MDM2: variants seen among roughly 807,000 people sequenced by gnomAD.
MDM2 encodes the protein E3 ubiquitin-protein ligase Mdm2.
Under a neutral mutation model 64.3 loss-of-function variants are expected in MDM2, and 11 were observed. That is an observed-to-expected ratio of 0.17 (90% confidence interval 0.11 to 0.28). The LOEUF is 0.28. MDM2 is among the 10% of genes least tolerant of loss of function. The pLI is 1.00. For synonymous variants in MDM2, 194 were observed against 192.9 expected (o/e 1.01, Z -0.05); for missense variants, 388 against 577.1 (o/e 0.67, Z 3.36).
At position 68,824,391 on chromosome 12, in the gene MDM2, T is replaced by C. The variant is rs769750641; in HGVS notation, c.387T>C (p.Ser129=). ...QESSDSGTSV[S]ENRCHLEGGS... is the part of the protein sequence containing the mutation. ...CATCGGACTCAGGTACATCTGTGAG[T>C]GAGAACAGGTGTCACCTTGAAGGTG... is the stretch of plus-strand genomic sequence containing the variant. The change falls in exon 6 of 11, where the codon AGT becomes AGC. Residue 129 remains serine, a synonymous_variant. Coordinates refer to ENST00000258149, the MANE Select transcript of MDM2 (RefSeq NM_002392.6). 1 of 1,613,778 alleles carries C rather than the reference T, an allele frequency of 6.2e-7. No homozygotes were observed.
chr12:68,833,144 AAAAAAAT>A lies in MDM2; in HGVS notation c.685-2683_685-2677del, dbSNP rs1202946532. ...CTGTCTCCAAAAAAAAAAAAAAAAA[AAAAAAAT>A]ATATATATATATATATTTATATTTA... is the stretch of plus-strand genomic sequence containing the variant. On this transcript the variant is annotated intron_variant, in intron 8 of 10. Transcript: ENST00000258149. 1.0e-3 allele frequency among the ~76,000 whole-genome samples: 111 copies of A among 109,588 alleles called. 1 individual carries two copies. Among genetic ancestry groups the A allele is most frequent in the African/African-American group, 5.0e-3 (103 of 20,666 alleles). The allele number at this position is 109,588 out of a possible 152,430, so 71.9% of individuals were successfully genotyped here. A position where few individuals can be genotyped will look rare whatever the true frequency, so the allele number is the denominator to read the frequency against.
chr12:68,847,452 C>CTTTTTTTTTTTTTTTTTTTTTT (rs772905678), downstream of MDM2: 24 of 88,722 alleles, frequency 2.7e-4, 5 homozygotes, highest in African/African-American at 1.4e-3. Context: ...TATCTCCTTT[C>CTTTTTTTTTTTTTTTTTTTTTT]TTTTTTTTTT....
Position 68,842,248 on chromosome 12 carries a change from A to C in MDM2, c.*2399A>C, listed in dbSNP as rs1337332210. On this transcript the variant is annotated 3_prime_UTR_variant, in exon 11 of 11. Coordinates refer to ENST00000258149, the MANE Select transcript of MDM2 (RefSeq NM_002392.6). ...TATATTTATAATGAACAAATTCAAG[A>C]AAAAGGACTACGGAAAGTTCAGGAC... is the stretch of plus-strand genomic sequence containing the variant. 4.0e-6 allele frequency: 2 copies of C among 497,396 alleles called. No individual in the cohort carries two copies. Among genetic ancestry groups the C allele is most frequent in the East Asian group, 9.3e-5 (2 of 21,418 alleles). The allele number at this position is 497,396 out of a possible 1,614,324, so 30.8% of individuals were successfully genotyped here. A position where few individuals can be genotyped will look rare whatever the true frequency, so the allele number is the denominator to read the frequency against.
intron 7 of MDM2, among the ~76,000 whole-genome samples, chr12:68,824,963 C>T (rs1318859660): frequency 6.6e-6 from 1 of 152,186 alleles, no homozygotes; most frequent in Non-Finnish European, 1.5e-5. Context: ...AATCCCGGCA[C>T]TTTGGGAGGC....
intron 3 of MDM2, chr12:68,815,770 A>G (rs769381350): frequency 1.1e-4 from 23 of 212,842 alleles, no homozygotes; most frequent in Admixed American, 2.4e-4. Flanking sequence ...ATACAGTGAT[A>G]ATAATCTTAT....
chr12:68,834,898 C>G (rs1463013440), intron 8 of MDM2, among the ~76,000 whole-genome samples: 1 of 152,042 alleles, frequency 6.6e-6, no homozygotes, highest in African/African-American at 2.4e-5. Context: ...TATTATTGCC[C>G]TGAAGGTCTT....
At chr12:68,820,029 A>G (rs1881714927) in intron 4 of MDM2, among the ~76,000 whole-genome samples, 1 of 152,094 alleles carries the variant, frequency 6.6e-6, no homozygotes, top group Admixed American at 6.6e-5. Flanking sequence ...TTGCATACTC[A>G]TTTTTTGGGG....
intron 10 of MDM2, among the ~76,000 whole-genome samples, chr12:68,837,754 C>T (rs376774540): frequency 6.9e-4 from 105 of 152,150 alleles, no homozygotes; most frequent in Non-Finnish European, 1.3e-3. Context: ...ATGCATACTT[C>T]ACTGAGTTCC....
intron 8 of MDM2, among the ~76,000 whole-genome samples, chr12:68,834,507 C>T (rs888910824): frequency 6.6e-6 from 1 of 151,510 alleles, no homozygotes; most frequent in African/African-American, 2.4e-5. Flanking sequence ...GAGGCCAAGG[C>T]GGTTGAATTG....
Position 68,808,224 on chromosome 12 carries a change from G to T in MDM2, c.-254G>T, listed in dbSNP as rs1368111147. On this transcript the variant is annotated 5_prime_UTR_variant, in exon 1 of 11. Coordinates refer to ENST00000258149, the MANE Select transcript of MDM2 (RefSeq NM_002392.6). ...GCGAGCTTGGCTGCTTCTGGGGCCTGTGTGGCCCTGTGTGTCGGAAAGATG... is the reference window on the plus strand; with the variant it reads ...GCGAGCTTGGCTGCTTCTGGGGCCTTTGTGGCCCTGTGTGTCGGAAAGATG... 1.4e-5 allele frequency: 8 copies of T among 572,260 alleles called. No individual in the cohort carries two copies. The highest frequency in any genetic ancestry group is 1.9e-5 in the African/African-American group (1 of 51,444). The allele number at this position is 572,260 out of a possible 1,614,324, so 35.4% of individuals were successfully genotyped here.
chr12:68,819,552 C>T lies in MDM2; in HGVS notation c.309-773C>T, dbSNP rs1339356295. Among the ~76,000 whole-genome samples, 4 of 152,220 alleles carry T rather than the reference C, an allele frequency of 2.6e-5. 1 individual carries two copies. In the South Asian group the frequency reaches 6.2e-4, roughly 24 times the overall value. On this transcript the variant is annotated intron_variant, in intron 4 of 10. Transcript: ENST00000258149. ...TGTTGCCCAGGCTGGAGTGCAATGG[C>T]GTGATCTTGGCTCACCGCAACCTCT...
At chr12:68,833,456 G>T (rs931907944) in intron 8 of MDM2, among the ~76,000 whole-genome samples, 23 of 144,330 alleles carry the variant, frequency 1.6e-4, no homozygotes, top group African/African-American at 4.8e-4. Context: ...TATATATAGA[G>T]AGAGATAATT....
At chr12:68,822,847 T>A (rs1881979578) in intron 5 of MDM2, among the ~76,000 whole-genome samples, 1 of 151,910 alleles carries the variant, frequency 6.6e-6, no homozygotes, top group African/African-American at 2.4e-5. Context: ...TTTAAGTGAT[T>A]CTCCTTCCTC....
chr12:68,836,687 G>A lies in MDM2; in HGVS notation c.856G>A (p.Val286Met). 2.5e-6 allele frequency: 4 copies of A among 1,611,400 alleles called. No homozygotes were observed. Among genetic ancestry groups the A allele is most frequent in the Non-Finnish European group, 3.4e-6 (4 of 1,177,830 alleles). The part of the protein sequence containing the change: ...DEDDEVYQVT[V>M]YQAGESDTDS... ...GTTTTATTAGGTATATCAAGTTACT[G>A]TGTATCAGGCAGGGGAGAGTGATAC... The change falls in exon 10 of 11, where the codon GTG becomes ATG. Residue 286 changes from valine to methionine, a missense_variant. This residue lies in a region of MDM2 where 168 missense variants were observed against 236.6 expected (regional missense o/e 0.71). Coordinates refer to ENST00000258149, the MANE Select transcript of MDM2 (RefSeq NM_002392.6).
chr12:68,808,836 C>G (rs992919612), intron 1 of MDM2: 3 of 845,166 alleles, frequency 3.5e-6, no homozygotes, highest in Non-Finnish European at 4.3e-6. Flanking sequence ...AGGTGCCTGT[C>G]GGGTCACTAG....
At chr12:68,835,694 G>T in intron 8 of MDM2, 135 bp from the exon 9 acceptor site, 2 of 775,710 alleles carry the variant, frequency 2.6e-6, no homozygotes, top group African/African-American at 1.8e-5. Context: ...GGGAAGTCCC[G>T]GATCAGAGCA....
intron 4 of MDM2, among the ~76,000 whole-genome samples, chr12:68,817,837 G>A (rs1186448199): frequency 2.0e-5 from 3 of 151,768 alleles, no homozygotes; most frequent in Non-Finnish European, 4.4e-5. Flanking sequence ...TTGCTCTATG[G>A]CCCAGGCTGG....
At chr12:68,824,487 A>G (rs529297973) in intron 6 of MDM2, 57 bp downstream of exon 6, 1 of 1,597,294 alleles carries the variant, frequency 6.3e-7, no homozygotes, top group Non-Finnish European at 8.6e-7. Flanking sequence ...TGGAAAGGTT[A>G]TTTACAACAA....
At chr12:68,810,402 C>T (rs2136107887) in intron 2 of MDM2, among the ~76,000 whole-genome samples, 1 of 152,098 alleles carries the variant, frequency 6.6e-6, no homozygotes, top group South Asian at 2.1e-4. Flanking sequence ...AACTTGCTCA[C>T]CAAAAGGCTC....
Sources: gnomAD v4.1 joint callset for allele counts (sites outside exome capture counted in the v4.1 genomes callset) on GRCh38, gnomAD v4.1.1 for gene constraint, gnomAD v4.1.1 regional missense constraint, MANE v1.5 for transcripts, NCBI Gene and HGNC (gene_info 2026-07-23, HGNC 2026-07-21) for gene names.